The following CDH22 variants were observed in gnomAD, a reference collection of about 807,000 sequenced individuals.
CDH22 encodes cadherin-22.
In CDH22, 30 loss-of-function variants were observed where a neutral mutation model predicts 58.4. The observed-to-expected ratio is 0.51, with a 90% CI of 0.38 to 0.70. The LOEUF is 0.70. CDH22 is among the 30% of genes least tolerant of loss of function. The pLI, the probability that CDH22 is intolerant of heterozygous loss-of-function variation, is 0.00. For missense variants in CDH22, 1,014 were observed against 1,233.9 expected (o/e 0.82, Z 2.67); for synonymous variants, 513 against 558.2 (o/e 0.92, Z 1.14).
chr20:46,192,019 A>G (rs2085864833), intron 8 of CDH22, among the ~76,000 whole-genome samples: 1 of 152,070 alleles, frequency 6.6e-6, no homozygotes, highest in Admixed American at 6.6e-5. Flanking sequence ...GGCCTCCCCT[A>G]AAGACCTTAT....
intron 1 of CDH22, among the ~76,000 whole-genome samples, chr20:46,289,793 C>T (rs1245382307): frequency 6.6e-6 from 1 of 152,186 alleles, no homozygotes; most frequent in Admixed American, 6.5e-5. Flanking sequence ...AAGCTAGAAA[C>T]ATGAGCCAAG....
intron 9 of CDH22, 44 bp downstream of exon 9, chr20:46,186,782 C>A: frequency 6.3e-7 from 1 of 1,596,672 alleles, no homozygotes; most frequent in South Asian, 1.1e-5. Context: ...ATGCTGCTGG[C>A]CAGTCCTGGA....
chr20:46,232,930 A>G (rs1387063925), intron 3 of CDH22, among the ~76,000 whole-genome samples: 1 of 152,234 alleles, frequency 6.6e-6, no homozygotes, highest in Non-Finnish European at 1.5e-5. Context: ...GAGACAAGTG[A>G]CAGAGAAGGC....
intron 3 of CDH22, among the ~76,000 whole-genome samples, chr20:46,230,462 G>A (rs1274159146): frequency 2.6e-5 from 4 of 152,104 alleles, no homozygotes; most frequent in African/African-American, 4.8e-5. Flanking sequence ...GAGCTGGTAC[G>A]AGCTGACTCC....
chr20:46,227,306 C>T (rs2086182549), intron 4 of CDH22, among the ~76,000 whole-genome samples: 1 of 152,196 alleles, frequency 6.6e-6, no homozygotes, highest in Non-Finnish European at 1.5e-5. Flanking sequence ...CTTTTCTGTT[C>T]CTCAGTCCGT....
At chr20:46,266,911 CTT>C (rs3091411) in intron 1 of CDH22, among the ~76,000 whole-genome samples, 249 of 140,660 alleles carry the variant, frequency 1.8e-3, no homozygotes, top group African/African-American at 2.2e-3. Flanking sequence ...CTATAGGGTG[CTT>C]TTTTTTTTTT....
intron 8 of CDH22, among the ~76,000 whole-genome samples, chr20:46,192,407 T>C (rs1017188810): frequency 1.3e-5 from 2 of 152,168 alleles, no homozygotes; most frequent in Non-Finnish European, 2.9e-5. Flanking sequence ...GCTGGGACCC[T>C]CTTCCTGCCT....
chr20:46,298,176 T>A (rs1236990539), intron 1 of CDH22, among the ~76,000 whole-genome samples: 1 of 152,186 alleles, frequency 6.6e-6, no homozygotes, highest in Admixed American at 6.5e-5. Context: ...TGCAGCCAAT[T>A]TCTTCTGTTC....
At chr20:46,262,327 T>C (rs1159424847) in intron 1 of CDH22, among the ~76,000 whole-genome samples, 2 of 151,924 alleles carry the variant, frequency 1.3e-5, no homozygotes, top group Non-Finnish European at 2.9e-5. Context: ...GGAGAGGGGA[T>C]GATCAGAGCT....
At chr20:46,244,006 A>G (rs916822842) in intron 2 of CDH22, among the ~76,000 whole-genome samples, 1 of 152,160 alleles carries the variant, frequency 6.6e-6, no homozygotes, top group Non-Finnish European at 1.5e-5. Flanking sequence ...TACCTCTCTG[A>G]GCCCCTGTGT....
chr20:46,303,803 C>T (rs1458769027), intron 1 of CDH22, among the ~76,000 whole-genome samples: 1 of 152,078 alleles, frequency 6.6e-6, no homozygotes, highest in Non-Finnish European at 1.5e-5. Flanking sequence ...CGAGTCTGGA[C>T]TTAATTCAGT....
chr20:46,279,900 T>C (rs923660235), intron 1 of CDH22, among the ~76,000 whole-genome samples: 1 of 152,258 alleles, frequency 6.6e-6, no homozygotes, highest in Admixed American at 6.5e-5. Context: ...CATTTTCTAG[T>C]TGACGGAGCA....
intron 2 of CDH22, among the ~76,000 whole-genome samples, chr20:46,248,973 AG>A (rs888380263): frequency 6.6e-6 from 1 of 152,206 alleles, no homozygotes; most frequent in African/African-American, 2.4e-5. Flanking sequence ...TTGCAGTTTA[AG>A]GGTTAAGTAC....
At chr20:46,262,227 TG>T (rs1297744162) in intron 1 of CDH22, among the ~76,000 whole-genome samples, 1 of 61,904 alleles carries the variant, frequency 1.6e-5, no homozygotes, top group Admixed American at 1.9e-4. Flanking sequence ...GTTGAGGGGG[TG>T]GGGGGTGGTG....
At chr20:46,201,187 G>A (rs544588039) in intron 7 of CDH22, among the ~76,000 whole-genome samples, 25 of 152,358 alleles carry the variant, frequency 1.6e-4, no homozygotes, top group African/African-American at 6.0e-4. Flanking sequence ...GGCCTCGAAT[G>A]CCAAGCAAGC....
chr20:46,207,927 A>G (rs2086012807), intron 7 of CDH22, among the ~76,000 whole-genome samples: 1 of 152,242 alleles, frequency 6.6e-6, no homozygotes, highest in African/African-American at 2.4e-5. Context: ...GCAGGATAGC[A>G]TCTGTGTGTC....
intron 1 of CDH22, among the ~76,000 whole-genome samples, chr20:46,258,027 C>T (rs1326016785): frequency 1.3e-5 from 2 of 152,132 alleles, no homozygotes; most frequent in South Asian, 2.1e-4. Context: ...GACAGCTCCA[C>T]GGCATAACTG....
chr20:46,263,639 A>G (rs528375880), intron 1 of CDH22, among the ~76,000 whole-genome samples: 171 of 152,262 alleles, frequency 1.1e-3, no homozygotes, highest in Middle Eastern at 3.4e-3. Context: ...GCTGAAACCC[A>G]AAGGATGAGT....
chr20:46,267,526 G>A (rs550132130), intron 1 of CDH22, among the ~76,000 whole-genome samples: 34 of 152,270 alleles, frequency 2.2e-4, no homozygotes, highest in Non-Finnish European at 4.4e-4. Context: ...CATGGCTAGG[G>A]GCCAACTCCA....
Sources: allele counts gnomAD v4.1 joint callset (sites outside exome capture counted in the v4.1 genomes callset), GRCh38; gene constraint gnomAD v4.1.1; transcripts MANE v1.5; gene names NCBI Gene and HGNC (gene_info 2026-07-23, HGNC 2026-07-21).